The following AFAP1L1 variants were observed in gnomAD, a reference collection of about 807,000 sequenced individuals.
AFAP1L1 encodes the protein actin filament associated protein 1 like 1.
A neutral mutation model predicts 99.8 loss-of-function variants in AFAP1L1; 77 were observed. The observed-to-expected ratio is 0.77, with a 90% CI of 0.64 to 0.93. The LOEUF (loss-of-function observed/expected upper bound fraction) is 0.93. Among genes scored for constraint, AFAP1L1 ranks in the 40% least tolerant of loss-of-function variants. The pLI, the probability that AFAP1L1 is intolerant of heterozygous loss-of-function variation, is 0.00. For synonymous variants in AFAP1L1, 373 were observed against 395.3 expected (o/e 0.94, Z 0.67); for missense variants, 893 against 996.8 (o/e 0.90, Z 1.40).
chr5:149,316,193 T>C lies in AFAP1L1; in HGVS notation c.1157T>C (p.Met386Thr), dbSNP rs773542681. 3 of 1,614,014 alleles carry C rather than the reference T, an allele frequency of 1.9e-6. No individual in the cohort carries two copies. The highest frequency in any genetic ancestry group is 1.1e-5 in the South Asian group (1 of 91,064). Residue 386 changes from methionine to threonine, a missense_variant, in exon 11 of 19, where the codon ATG becomes ACG. Coordinates refer to ENST00000296721, the MANE Select transcript of AFAP1L1 (RefSeq NM_152406.4). ...AGCCTGGCAGAACTGAAGGGCTCAATGAGCAGGGCTGCGGGCCGCAAGATC... is the reference window on the plus strand; with the variant it reads ...AGCCTGGCAGAACTGAAGGGCTCAACGAGCAGGGCTGCGGGCCGCAAGATC... Reference protein sequence around the residue: ...KSSLAELKGSMSRAAGRKITR... With the variant: ...KSSLAELKGSTSRAAGRKITR...
intron 14 of AFAP1L1, among the ~76,000 whole-genome samples, 162 bp from the exon 15 acceptor site, chr5:149,322,444 A>G (rs1303363323): frequency 6.6e-6 from 1 of 152,234 alleles, no homozygotes; most frequent in African/African-American, 2.4e-5. Context: ...ATATACTGCT[A>G]GCAAAAGTGC....
chr5:149,311,905 T>C (rs1176770437), intron 8 of AFAP1L1, among the ~76,000 whole-genome samples: 3 of 152,208 alleles, frequency 2.0e-5, no homozygotes, highest in Admixed American at 6.5e-5. Flanking sequence ...CCCATCCTTG[T>C]ATCTTTTCAG....
chr5:149,299,244 G>A (rs1457788659), intron 1 of AFAP1L1, among the ~76,000 whole-genome samples: 1 of 152,196 alleles, frequency 6.6e-6, no homozygotes, highest in Non-Finnish European at 1.5e-5. Context: ...TGCCAGATGA[G>A]CCCAGGGAGG....
chr5:149,321,351 T>C (rs1756946538), intron 14 of AFAP1L1, among the ~76,000 whole-genome samples: 1 of 152,236 alleles, frequency 6.6e-6, no homozygotes, highest in South Asian at 2.1e-4. Flanking sequence ...GCTGCTGGTC[T>C]TCACTTCCTG....
chr5:149,313,490 A>G (rs997909202), intron 9 of AFAP1L1, among the ~76,000 whole-genome samples: 2 of 152,246 alleles, frequency 1.3e-5, no homozygotes. Context: ...CCAAGGTCAC[A>G]TAGTAAATAA....
At chr5:149,304,716 C>T (rs975186982) in intron 5 of AFAP1L1, among the ~76,000 whole-genome samples, 1 of 152,188 alleles carries the variant, frequency 6.6e-6, no homozygotes, top group African/African-American at 2.4e-5. Context: ...CCCTTCCCTA[C>T]TTCACACCTG....
At chr5:149,305,328 T>C (rs1313097812) in intron 5 of AFAP1L1, among the ~76,000 whole-genome samples, 4 of 152,254 alleles carry the variant, frequency 2.6e-5, no homozygotes, top group African/African-American at 9.6e-5. Flanking sequence ...GCACATGCTC[T>C]TAACCATCTG....
At chr5:149,284,622 G>A (rs1362532666) in intron 1 of AFAP1L1, among the ~76,000 whole-genome samples, 2 of 152,232 alleles carry the variant, frequency 1.3e-5, no homozygotes, top group Non-Finnish European at 2.9e-5. Flanking sequence ...TGGGATTACG[G>A]AGACGTTGGA....
chr5:149,291,695 T>C (rs1434665768), intron 1 of AFAP1L1, among the ~76,000 whole-genome samples: 1 of 152,204 alleles, frequency 6.6e-6, no homozygotes, highest in Non-Finnish European at 1.5e-5. Context: ...CCACTGGTAC[T>C]GTGGGTCATA....
Position 149,316,309 on chromosome 5 carries a change from TC to T in AFAP1L1, c.1267+8del. The T allele has an allele frequency of 6.2e-7, 1 of 1,612,440 alleles. No homozygotes were observed. The highest frequency in any genetic ancestry group is 1.7e-4 in the Middle Eastern group (1 of 6,024). ...GGAGGAGGTTCCCTGCTGTGGTGGG[TC>T]CAGGGCACGGGGAGGAAGGGTGCTC... On this transcript the variant is annotated splice_region_variant and intron_variant, in intron 11 of 18. Transcript: ENST00000296721.
At chr5:149,288,785 G>A (rs549720899) in intron 1 of AFAP1L1, among the ~76,000 whole-genome samples, 19 of 152,180 alleles carry the variant, frequency 1.2e-4, no homozygotes, top group Non-Finnish European at 2.2e-4. Context: ...AAGAAGTTGT[G>A]GCTTCCCTGG....
intron 8 of AFAP1L1, among the ~76,000 whole-genome samples, chr5:149,310,862 GAGTGCAAGCCCC>G (rs1216657806): frequency 6.6e-6 from 1 of 152,182 alleles, no homozygotes; most frequent in Non-Finnish European, 1.5e-5. Flanking sequence ...ACCCATACTG[GAGTGCAAGCCCC>G]AGGCCTAAAG....
rs760572045 is a variant in AFAP1L1, at chr5:149,317,839, G to C, written c.1378G>C (p.Ala460Pro). Reference protein sequence around the residue: ...DHMDLRTHVNAIALQGCEVAP... With the variant: ...DHMDLRTHVNPIALQGCEVAP... Reference sequence around the variant, plus strand: ...CATGGACCTGCGAACCCATGTGAACGCCATCGCCCTGCAAGGCTGTGAGGT... The same window carrying C: ...CATGGACCTGCGAACCCATGTGAACCCCATCGCCCTGCAAGGCTGTGAGGT... The change falls in exon 12 of 19, where the codon GCC becomes CCC. Residue 460 changes from alanine (A) to proline (P), a missense_variant. Transcript: ENST00000296721. The C allele has an allele frequency of 6.2e-7, 1 of 1,611,078 alleles. No individual in the cohort carries two copies. Among genetic ancestry groups the C allele is most frequent in the Non-Finnish European group, 8.5e-7 (1 of 1,178,866 alleles).
At chr5:149,307,684 T>C (rs933936010) in intron 7 of AFAP1L1, 71 bp downstream of exon 7, 6 of 1,484,242 alleles carry the variant, frequency 4.0e-6, no homozygotes, top group African/African-American at 1.4e-5. Context: ...TCTACATACA[T>C]GTGGATATGT....
At chr5:149,316,069 C>A in intron 10 of AFAP1L1, 82 bp from the exon 11 acceptor site, 1 of 1,586,602 alleles carries the variant, frequency 6.3e-7, no homozygotes. Context: ...ATCCTGTATG[C>A]AGGCTGAAAA....
Position 149,301,239 on chromosome 5 carries a change from T to C in AFAP1L1, c.327+9T>C. The C allele has an allele frequency of 6.2e-7, 1 of 1,613,336 alleles. No homozygotes were observed. The highest frequency in any genetic ancestry group is 1.7e-5 in the Admixed American group (1 of 60,014). On this transcript the variant is annotated intron_variant, in intron 4 of 18. Coordinates refer to ENST00000296721, the MANE Select transcript of AFAP1L1 (RefSeq NM_152406.4). ...GCCCACGCCTGAGAAACGTGAGTCA[T>C]GGCCTGGGTTCCCACACCTCAGGGC...
chr5:149,328,087 T>A (rs939473412), intron 15 of AFAP1L1, among the ~76,000 whole-genome samples: 4 of 152,110 alleles, frequency 2.6e-5, no homozygotes, highest in African/African-American at 9.7e-5. Flanking sequence ...CCAGTAACAT[T>A]AACAGCTGAC....
In AFAP1L1 at chr5:149,285,866, T is replaced by C. The variant is rs536041242; in HGVS notation, c.17-13643T>C. On this transcript the variant is annotated intron_variant, in intron 1 of 18. Coordinates refer to ENST00000296721, the MANE Select transcript of AFAP1L1 (RefSeq NM_152406.4). Reference sequence around the variant, plus strand: ...TGTCAGAGGCAGGATTCTTGGGGCCTCCCTAGTCTGTGGTCCTTTCTATGA... The same window carrying C: ...TGTCAGAGGCAGGATTCTTGGGGCCCCCCTAGTCTGTGGTCCTTTCTATGA... Among the ~76,000 whole-genome samples, 4 of 152,254 alleles carry C rather than the reference T, an allele frequency of 2.6e-5. No homozygotes were observed. The East Asian group carries it at 7.7e-4, about 29-fold the overall frequency.
In AFAP1L1 at chr5:149,307,391, G is replaced by A; in HGVS notation, c.536-11G>A. On this transcript the variant is annotated splice_polypyrimidine_tract_variant and intron_variant, in intron 6 of 18. Coordinates refer to ENST00000296721, the MANE Select transcript of AFAP1L1 (RefSeq NM_152406.4). ...GGCACAGTGATGGATCCTTTCCCGT[G>A]ACGCCTGCAGATAATGACTCTGACG... The A allele has an allele frequency of 6.2e-7, 1 of 1,613,920 alleles. No homozygotes were observed. Among genetic ancestry groups the A allele is most frequent in the Non-Finnish European group, 8.5e-7 (1 of 1,179,866 alleles).
Sources: allele counts gnomAD v4.1 joint callset (sites outside exome capture counted in the v4.1 genomes callset), GRCh38; gene constraint gnomAD v4.1.1; transcripts MANE v1.5; gene names NCBI Gene and HGNC (gene_info 2026-07-23, HGNC 2026-07-21).